PACSIN2: variants seen among roughly 807,000 people sequenced by gnomAD.
The protein encoded by PACSIN2 is protein kinase C and casein kinase substrate in neurons 2.
Under a neutral mutation model 63.8 loss-of-function variants are expected in PACSIN2, and 25 were observed. The ratio of observed to expected loss-of-function variants is 0.39; its 90% CI spans 0.29 to 0.55. The LOEUF is 0.55. Among genes scored for constraint, PACSIN2 ranks in the 20% least tolerant of loss-of-function variants. The probability of loss-of-function intolerance (pLI) is 0.62; values close to 1 mark genes in which losing one functional copy is unlikely to be tolerated. For synonymous variants in PACSIN2, 255 were observed against 256.2 expected (o/e 1.00, Z 0.05); for missense variants, 518 against 646.9 (o/e 0.80, Z 2.16).
At chr22:42,994,614 G>A (rs966748561) in intron 1 of PACSIN2, among the ~76,000 whole-genome samples, 3 of 152,228 alleles carry the variant, frequency 2.0e-5, no homozygotes, top group African/African-American at 7.2e-5. Flanking sequence ...GGGTTACTGG[G>A]GCAGGGAATT....
chr22:42,913,254 C>A (rs1025831439), intron 1 of PACSIN2, among the ~76,000 whole-genome samples: 2 of 152,024 alleles, frequency 1.3e-5, no homozygotes, highest in African/African-American at 2.4e-5. Flanking sequence ...CCAAGGCGGG[C>A]GGATCACCTG....
intron 1 of PACSIN2, among the ~76,000 whole-genome samples, chr22:42,939,470 G>A (rs1039143919): frequency 6.6e-6 from 1 of 152,152 alleles, no homozygotes; most frequent in Non-Finnish European, 1.5e-5. Flanking sequence ...AGAATGATTG[G>A]AAGTGACGCA....
chr22:43,009,868 T>C (rs1252306332), intron 1 of PACSIN2, among the ~76,000 whole-genome samples: 2 of 67,610 alleles, frequency 3.0e-5, no homozygotes, highest in African/African-American at 7.3e-5. Flanking sequence ...TTTTTCTATT[T>C]TTTTTTTTTT....
intron 1 of PACSIN2, among the ~76,000 whole-genome samples, chr22:42,941,395 T>C (rs545754041): frequency 1.9e-4 from 29 of 152,350 alleles, no homozygotes; most frequent in Non-Finnish European, 3.4e-4. Flanking sequence ...TTCATTTCTT[T>C]TGAGTAGATA....
At chr22:42,925,480 T>TA (rs57374574) in intron 1 of PACSIN2, among the ~76,000 whole-genome samples, 1,451 of 134,298 alleles carry the variant, frequency 0.011, 37 homozygotes, top group Admixed American at 0.056. Context: ...ACTCCGTCTT[T>TA]AAAAAAAAAA....
rs573434424 is a variant in PACSIN2, at chr22:42,974,654, CACCGTAACTGCTTAA to C, written c.-78+40352_-78+40366del. 1.4e-3 allele frequency among the ~76,000 whole-genome samples: 208 copies of C among 151,330 alleles called. 2 individuals carry two copies. The highest frequency in any genetic ancestry group is 4.9e-3 in the African/African-American group (202 of 41,208). On this transcript the variant is annotated intron_variant, in intron 1 of 10. Transcript: ENST00000263246. ...ATCCCAGCTACTCGGGTGGCTGAGG[CACCGTAACTGCTTAA>C]ACCTGGGAGGTGGAGGTTGCAGTGA...
At chr22:42,932,204 C>A (rs1932792767) in intron 1 of PACSIN2, among the ~76,000 whole-genome samples, 1 of 152,198 alleles carries the variant, frequency 6.6e-6, no homozygotes, top group African/African-American at 2.4e-5. Context: ...ATAAGCTCAT[C>A]CCTGCCTCAG....
intron 1 of PACSIN2, among the ~76,000 whole-genome samples, chr22:43,010,132 T>A (rs1012226089): frequency 2.0e-5 from 3 of 151,902 alleles, no homozygotes; most frequent in Non-Finnish European, 4.4e-5. Context: ...CTTCCCATAG[T>A]GCTGGGATTA....
chr22:42,964,641 T>A (rs1470865922), intron 1 of PACSIN2, among the ~76,000 whole-genome samples: 1 of 151,942 alleles, frequency 6.6e-6, no homozygotes, highest in African/African-American at 2.4e-5. Flanking sequence ...CAGGGCAGGC[T>A]CTACAGTTCC....
chr22:42,959,388 G>GA, intron 1 of PACSIN2, among the ~76,000 whole-genome samples: 1 of 152,212 alleles, frequency 6.6e-6, no homozygotes, highest in Non-Finnish European at 1.5e-5. Flanking sequence ...TACTCGGTAA[G>GA]AAAAAAATAC....
intron 1 of PACSIN2, among the ~76,000 whole-genome samples, chr22:42,998,876 G>C (rs969731214): frequency 6.6e-6 from 1 of 152,156 alleles, no homozygotes; most frequent in East Asian, 1.9e-4. Context: ...AAGTCGAGAG[G>C]AGTTGAGCTG....
chr22:42,888,470 G>A (rs1486172353), intron 5 of PACSIN2, among the ~76,000 whole-genome samples, 173 bp downstream of exon 5: 1 of 152,184 alleles, frequency 6.6e-6, no homozygotes, highest in African/African-American at 2.4e-5. Context: ...GCTATGGTGA[G>A]GCGAGGTGCT....
chr22:42,975,019 C>A lies in PACSIN2; in HGVS notation c.-78+40002G>T, dbSNP rs1324526737. 3.3e-5 allele frequency among the ~76,000 whole-genome samples: 5 copies of A among 152,184 alleles called. 1 individual carries two copies. Among genetic ancestry groups the A allele is most frequent in the Non-Finnish European group, 7.3e-5 (5 of 68,040 alleles). ...GCCTAGAATGTGGGTCAGGGAGAGTCAGCAAGCCCACCTGCCTGCACTGCA... is the reference window on the plus strand; with the variant it reads ...GCCTAGAATGTGGGTCAGGGAGAGTAAGCAAGCCCACCTGCCTGCACTGCA... On this transcript the variant is annotated intron_variant, in intron 1 of 10. Coordinates refer to ENST00000263246, the MANE Select transcript of PACSIN2 (RefSeq NM_001184970.3).
intron 1 of PACSIN2, among the ~76,000 whole-genome samples, chr22:42,959,405 A>T (rs1430751992): frequency 6.6e-6 from 1 of 152,242 alleles, no homozygotes; most frequent in East Asian, 1.9e-4. Flanking sequence ...ATACAGCTAA[A>T]GTATGTCAGC....
At chr22:42,894,636 G>C (rs1930152193) in intron 2 of PACSIN2, among the ~76,000 whole-genome samples, 1 of 152,152 alleles carries the variant, frequency 6.6e-6, no homozygotes, top group Non-Finnish European at 1.5e-5. Context: ...TTTCGTATAT[G>C]AAAAGAAAAA....
chr22:42,874,037 G>A (rs1270439113), intron 10 of PACSIN2, among the ~76,000 whole-genome samples: 1 of 152,090 alleles, frequency 6.6e-6, no homozygotes, highest in Non-Finnish European at 1.5e-5. Context: ...TGATCCTTCG[G>A]CCTTGGCCTC....
chr22:42,970,206 C>T (rs575254252), intron 1 of PACSIN2, among the ~76,000 whole-genome samples: 4 of 152,272 alleles, frequency 2.6e-5, no homozygotes, highest in South Asian at 2.1e-4. Flanking sequence ...AAAAGGAGAA[C>T]GACTAAAGTA....
At chr22:42,959,452 T>C (rs1934047890) in intron 1 of PACSIN2, 3 of 152,214 alleles carry the variant, frequency 2.0e-5, no homozygotes, top group Admixed American at 6.5e-5. Flanking sequence ...TGCAAAGTTA[T>C]TGCATCTATT....
At chr22:42,953,632 T>C (rs1369929211) in intron 1 of PACSIN2, among the ~76,000 whole-genome samples, 13 of 152,204 alleles carry the variant, frequency 8.5e-5, no homozygotes, top group Non-Finnish European at 5.9e-5. Context: ...GTGCTAAGGG[T>C]TTCATTTAAC....
Sources: gnomAD v4.1 joint callset for allele counts (sites outside exome capture counted in the v4.1 genomes callset) on GRCh38, gnomAD v4.1.1 for gene constraint, MANE v1.5 for transcripts, NCBI Gene and HGNC (gene_info 2026-07-23, HGNC 2026-07-21) for gene names.